The following ADGRL2 variants were observed in gnomAD, a reference collection of about 807,000 sequenced individuals.
ADGRL2 encodes the protein adhesion G protein-coupled receptor L2.
Under a neutral mutation model 157.4 loss-of-function variants are expected in ADGRL2, and 44 were observed. The observed-to-expected ratio is 0.28, with a 90% CI of 0.22 to 0.36. The LOEUF (loss-of-function observed/expected upper bound fraction) is 0.36, where lower values mean the gene tolerates loss of function less well. ADGRL2 is among the 10% of genes least tolerant of loss of function. The probability of loss-of-function intolerance (pLI) is 1.00; values close to 1 mark genes in which losing one functional copy is unlikely to be tolerated. For synonymous variants in ADGRL2, 585 were observed against 624.7 expected, an observed-to-expected ratio of 0.94 and a Z score of 0.95; for missense variants, 1,510 against 1,768.9, an observed-to-expected ratio of 0.85 and a Z score of 2.63.
At chr1:81,887,451 C>T (rs1012947916) in intron 2 of ADGRL2, among the ~76,000 whole-genome samples, 1 of 152,066 alleles carries the variant, frequency 6.6e-6, no homozygotes, top group Non-Finnish European at 1.5e-5. Context: ...TGAAAGAGAG[C>T]AAATATCAGA....
At chr1:81,645,735 T>C (rs2082302793) in intron 3 of ADGRL2, among the ~76,000 whole-genome samples, 1 of 152,180 alleles carries the variant, frequency 6.6e-6, no homozygotes, top group African/African-American at 2.4e-5. Context: ...GAATGTACCT[T>C]ATCTTGTGAG....
chr1:81,544,700 T>C (rs2079970115), intron 2 of ADGRL2, among the ~76,000 whole-genome samples: 2 of 152,200 alleles, frequency 1.3e-5, no homozygotes, highest in Admixed American at 6.6e-5. Flanking sequence ...CAACTGCCAG[T>C]AATCCTACAG....
chr1:81,895,623 G>A (rs970722207), intron 2 of ADGRL2, among the ~76,000 whole-genome samples: 1 of 151,992 alleles, frequency 6.6e-6, no homozygotes, highest in African/African-American at 2.4e-5. Flanking sequence ...TCAAACTCCT[G>A]ACCTCAGGTG....
At chr1:81,322,395 C>T (rs1407731830) in intron 1 of ADGRL2, among the ~76,000 whole-genome samples, 1 of 151,598 alleles carries the variant, frequency 6.6e-6, no homozygotes, top group African/African-American at 2.4e-5. Flanking sequence ...GGTAACAGGA[C>T]GTGATAAGTG....
intron 1 of ADGRL2, among the ~76,000 whole-genome samples, chr1:81,808,327 C>T (rs1424607002): frequency 3.9e-5 from 6 of 152,018 alleles, no homozygotes; most frequent in African/African-American, 7.2e-5. Context: ...TGTAGGAACT[C>T]GCCAGCAGTG....
intron 1 of ADGRL2, among the ~76,000 whole-genome samples, chr1:81,808,166 A>G (rs1204459964): frequency 6.6e-6 from 1 of 152,024 alleles, no homozygotes; most frequent in Admixed American, 6.6e-5. Context: ...TTATGAAGTA[A>G]TATAGTTTGT....
At chr1:81,691,880 G>GTATATATATATATATATATATATATATA (rs58043778) in intron 3 of ADGRL2, among the ~76,000 whole-genome samples, 34 of 119,800 alleles carry the variant, frequency 2.8e-4, no homozygotes, top group East Asian at 1.9e-3. Context: ...GTGTGTGTGT[G>GTATATATATATATATATATATATATATA]TATATATATA....
intron 1 of ADGRL2, among the ~76,000 whole-genome samples, chr1:81,342,020 G>GCA (rs1409939631): frequency 6.6e-6 from 1 of 152,100 alleles, no homozygotes; most frequent in African/African-American, 2.4e-5. Flanking sequence ...GAAACTGACT[G>GCA]TGTCTGTGAG....
chr1:81,771,256 T>C (rs1319463045), intron 2 of ADGRL2, among the ~76,000 whole-genome samples: 1 of 152,216 alleles, frequency 6.6e-6, no homozygotes, highest in Admixed American at 6.5e-5. Flanking sequence ...TTAATAAATA[T>C]TGAATTTTAT....
intron 1 of ADGRL2, among the ~76,000 whole-genome samples, chr1:81,339,269 G>T (rs913554472): frequency 7.9e-5 from 12 of 152,140 alleles, no homozygotes; most frequent in Non-Finnish European, 1.3e-4. Context: ...ACAGCTTAAG[G>T]TTAGAATTAA....
At chr1:81,740,918 G>A (rs1162436805) in intron 1 of ADGRL2, among the ~76,000 whole-genome samples, 1 of 151,990 alleles carries the variant, frequency 6.6e-6, no homozygotes, top group African/African-American at 2.4e-5. Flanking sequence ...GCAGAGTGAT[G>A]GATTATAGAG....
chr1:81,907,281 A>G, intron 3 of ADGRL2, 51 bp downstream of exon 3: 1 of 1,462,560 alleles, frequency 6.8e-7, no homozygotes, highest in East Asian at 2.3e-5. Flanking sequence ...TCCAAATTAG[A>G]AAAATTATTA....
At chr1:81,482,054 A>T (rs926484107) in intron 2 of ADGRL2, among the ~76,000 whole-genome samples, 1 of 152,004 alleles carries the variant, frequency 6.6e-6, no homozygotes, top group African/African-American at 2.4e-5. Flanking sequence ...GTCTGAACAG[A>T]CTATGTGTAC....
At chr1:81,661,346 A>C (rs139502381) in intron 3 of ADGRL2, among the ~76,000 whole-genome samples, 1 of 152,194 alleles carries the variant, frequency 6.6e-6, no homozygotes, top group Non-Finnish European at 1.5e-5. Flanking sequence ...AACCTTAAGC[A>C]TCTTACTTTT....
At chr1:81,434,315 A>T (rs943662050) in intron 1 of ADGRL2, among the ~76,000 whole-genome samples, 1 of 152,170 alleles carries the variant, frequency 6.6e-6, no homozygotes, top group African/African-American at 2.4e-5. Context: ...TTTTCAATGA[A>T]AGTTACTTAT....
At chr1:81,781,659 A>T (rs2086818942) in intron 2 of ADGRL2, among the ~76,000 whole-genome samples, 1 of 152,138 alleles carries the variant, frequency 6.6e-6, no homozygotes, top group Non-Finnish European at 1.5e-5. Context: ...TTCCCAGTGT[A>T]TTTAGCCAAG....
At chr1:81,528,646 C>CAAAAAAAAAAAAAAA (rs59842382) in intron 2 of ADGRL2, among the ~76,000 whole-genome samples, 8 of 114,666 alleles carry the variant, frequency 7.0e-5, no homozygotes, top group African/African-American at 1.5e-4. Flanking sequence ...GACTCCATCT[C>CAAAAAAAAAAAAAAA]AAAAAAAAAA....
At chr1:81,629,498 A>G (rs1225386594) in intron 3 of ADGRL2, among the ~76,000 whole-genome samples, 1 of 152,158 alleles carries the variant, frequency 6.6e-6, no homozygotes, top group African/African-American at 2.4e-5. Context: ...TTTTGAAAAT[A>G]AAAGATTAGA....
chr1:81,449,765 AT>A (rs1277007854), intron 2 of ADGRL2, among the ~76,000 whole-genome samples: 5 of 151,722 alleles, frequency 3.3e-5, no homozygotes, highest in African/African-American at 9.7e-5. Context: ...CCATTTTTGT[AT>A]TTTGTGTAGA....
Sources: gnomAD v4.1 joint callset for allele counts (sites outside exome capture counted in the v4.1 genomes callset) on GRCh38, gnomAD v4.1.1 for gene constraint, MANE v1.5 for transcripts, NCBI Gene and HGNC (gene_info 2026-07-23, HGNC 2026-07-21) for gene names.